GCNT1: variants seen among roughly 807,000 people sequenced by gnomAD.
The protein encoded by GCNT1 is beta-1,3-galactosyl-O-glycosyl-glycoprotein beta-1,6-N-acetylglucosaminyltransferase.
A neutral mutation model predicts 26.2 loss-of-function variants in GCNT1; 16 were observed. The ratio of observed to expected loss-of-function variants is 0.61; its 90% CI spans 0.41 to 0.93. The LOEUF is 0.93. GCNT1 is among the 40% of genes least tolerant of loss of function. GCNT1 has a pLI of 0.00. For missense variants in GCNT1, 477 were observed against 526.7 expected, an observed-to-expected ratio of 0.91 and a Z score of 0.92; for synonymous variants, 183 against 190.8, an observed-to-expected ratio of 0.96 and a Z score of 0.34.
chr9:76,408,709 G>A, the GCNT1 span, among the ~76,000 whole-genome samples: 1 of 151,762 alleles, frequency 6.6e-6, no homozygotes. Flanking sequence ...TTTTTTAGAT[G>A]GAGTCTCACT....
rs772001066 is a variant in GCNT1, at chr9:76,503,128, C to G, written c.747C>G (p.Ser249=). The G allele has an allele frequency of 5.0e-6, 8 of 1,613,940 alleles. No individual in the cohort carries two copies. The highest frequency in any genetic ancestry group is 6.8e-6 in the Non-Finnish European group (8 of 1,180,026). ...ACCTGGAAACGGAGAGGATGCCATC[C>G]CATAAAGAAGAAAGGTGGAAGAAGC... ...ENNLETERMP[S]HKEERWKKRY... is the part of the protein sequence containing the mutation. Residue 249 remains serine (S), a synonymous_variant, in exon 4 of 4, where the codon TCC becomes TCG. Transcript: ENST00000376730.
At chr9:76,471,968 G>A (rs1289305880) in intron 2 of GCNT1, among the ~76,000 whole-genome samples, 2 of 152,000 alleles carry the variant, frequency 1.3e-5, no homozygotes, top group African/African-American at 2.4e-5. Flanking sequence ...TCAGCCTCCC[G>A]TAAATATTTT....
At chr9:76,427,155 C>G (rs376217916) in intron 1 of GCNT1, among the ~76,000 whole-genome samples, 42 of 150,150 alleles carry the variant, frequency 2.8e-4, no homozygotes, top group African/African-American at 1.0e-3. Context: ...GCCATCTGCA[C>G]GATAAGGAGA....
rs1220711395 is a variant in GCNT1 at position 76,502,476 on chromosome 9, T to C, written c.95T>C (p.Leu32Ser). Residue 32 changes from leucine to serine, a missense_variant, in exon 4 of 4, where the codon TTA becomes TCA. By Grantham distance (145) the Leu-to-Ser change is moderately radical. Transcript: ENST00000376730. Reference sequence around the variant, plus strand: ...TTATCCCTAATCACCTTCTCCGTTTTAAGGATTCATCAAAAGCCTGAATTT... The same window carrying C: ...TTATCCCTAATCACCTTCTCCGTTTCAAGGATTCATCAAAAGCCTGAATTT... Reference protein sequence around the residue: ...LVLSLITFSVLRIHQKPEFVS... With the variant: ...LVLSLITFSVSRIHQKPEFVS... The C allele has an allele frequency of 6.2e-7, 1 of 1,613,670 alleles. No individual in the cohort carries two copies. Among genetic ancestry groups the C allele is most frequent in the East Asian group, 2.2e-5 (1 of 44,882 alleles).
At chr9:76,415,586 T>C (rs1208262143), upstream of GCNT1, among the ~76,000 whole-genome samples, 3 of 152,204 alleles carry the variant, frequency 2.0e-5, no homozygotes, top group Non-Finnish European at 4.4e-5. Flanking sequence ...TCCCCTCCCA[T>C]GAAAAGCAAG....
rs547645701 is a variant in GCNT1 at position 76,495,848 on chromosome 9, A to AT, written c.-289-5061dup. On this transcript the variant is annotated intron_variant, in intron 2 of 3. Transcript: ENST00000376730. Reference sequence around the variant, plus strand: ...AGAAAATATATTGTGCCTCATTAATATTTTTTTAACATATTTTTAACTTTA... The same window carrying AT: ...AGAAAATATATTGTGCCTCATTAATATTTTTTTTAACATATTTTTAACTTTA... Among the ~76,000 whole-genome samples the AT allele has an allele frequency of 3.7e-4, 57 of 152,274 alleles. 1 individual carries two copies. The highest frequency in any genetic ancestry group is 1.3e-3 in the African/African-American group (55 of 41,556).
At chr9:76,395,053 C>T in the GCNT1 span, among the ~76,000 whole-genome samples, 2 of 152,192 alleles carry the variant, frequency 1.3e-5, no homozygotes, top group South Asian at 2.1e-4. Flanking sequence ...AGGTTACCGA[C>T]ATGGGCGGTG....
exon 1 of GCNT1, chr9:76,442,117 T>A (rs1301842360): frequency 6.6e-6 from 1 of 152,164 alleles, no homozygotes; most frequent in Non-Finnish European, 1.5e-5. Context: ...AGTGACTTCA[T>A]CTGAGAAGGA....
At chr9:76,399,890 C>T in the GCNT1 span, among the ~76,000 whole-genome samples, 2 of 152,116 alleles carry the variant, frequency 1.3e-5, no homozygotes, top group East Asian at 3.8e-4. Flanking sequence ...CCATACTATT[C>T]TGTGCTAAAA....
At chr9:76,499,060 T>TA (rs1554739153) in intron 2 of GCNT1, among the ~76,000 whole-genome samples, 3 of 151,700 alleles carry the variant, frequency 2.0e-5, no homozygotes, top group African/African-American at 7.3e-5. Context: ...ATTTTTTTTT[T>TA]AATTTATCTG....
intron 2 of GCNT1, among the ~76,000 whole-genome samples, chr9:76,490,770 A>T (rs979763487): frequency 1.3e-5 from 2 of 152,234 alleles, no homozygotes; most frequent in African/African-American, 4.8e-5. Context: ...TAACTGCAAG[A>T]GTTTTCTTAT....
chr9:76,486,051 A>G (rs1824565293), intron 2 of GCNT1, among the ~76,000 whole-genome samples: 1 of 152,182 alleles, frequency 6.6e-6, no homozygotes, highest in Non-Finnish European at 1.5e-5. Context: ...CTTTTTCTTA[A>G]TGGGCAGTAG....
chr9:76,399,253 G>GCT, the GCNT1 span: 1 of 1,477,528 alleles, frequency 6.8e-7, no homozygotes. Flanking sequence ...TTCTGCGCAT[G>GCT]TGTAGCACGA....
chr9:76,437,771 AGC>A (rs1265609216), upstream of GCNT1, among the ~76,000 whole-genome samples: 1 of 152,210 alleles, frequency 6.6e-6, no homozygotes, highest in Non-Finnish European at 1.5e-5. Context: ...GTGAGGGCAA[AGC>A]AGAATATTTA....
chr9:76,465,248 C>A (rs1439145128), intron 2 of GCNT1, among the ~76,000 whole-genome samples: 1 of 151,710 alleles, frequency 6.6e-6, no homozygotes, highest in African/African-American at 2.4e-5. Context: ...CAACCTCTGC[C>A]CCAAGTAGCT....
the GCNT1 span, among the ~76,000 whole-genome samples, chr9:76,400,689 T>C: frequency 6.6e-6 from 1 of 152,178 alleles, no homozygotes; most frequent in African/African-American, 2.4e-5. Context: ...CATGAGACAA[T>C]GCTACCAGTA....
the GCNT1 span, chr9:76,399,303 A>G: frequency 6.3e-5 from 89 of 1,404,118 alleles, no homozygotes; most frequent in Non-Finnish European, 8.5e-5. Flanking sequence ...CCTGATCTCT[A>G]CTTCTACAGA....
chr9:76,478,486 T>G (rs536505637), intron 2 of GCNT1, among the ~76,000 whole-genome samples: 4 of 152,314 alleles, frequency 2.6e-5, no homozygotes, highest in Admixed American at 2.6e-4. Context: ...GCATCATCTT[T>G]AAGAGCTGTA....
intron 2 of GCNT1, among the ~76,000 whole-genome samples, chr9:76,470,100 CTG>C (rs984633149): frequency 7.2e-5 from 11 of 151,964 alleles, no homozygotes; most frequent in African/African-American, 1.4e-4. Context: ...AGTCCAAGTC[CTG>C]TGTGTGTGTA....
Sources: allele counts gnomAD v4.1 joint callset (sites outside exome capture counted in the v4.1 genomes callset), GRCh38; gene constraint gnomAD v4.1.1; transcripts MANE v1.5; gene names NCBI Gene and HGNC (gene_info 2026-07-23, HGNC 2026-07-21).